Variants in HSD17B3 observed in about 807,000 individuals in gnomAD.
The protein encoded by HSD17B3 is 17-beta-hydroxysteroid dehydrogenase type 3.
Under a neutral mutation model 41.1 loss-of-function variants are expected in HSD17B3, and 29 were observed. That is an observed-to-expected ratio of 0.71 (90% confidence interval 0.53 to 0.96). The LOEUF (loss-of-function observed/expected upper bound fraction) is 0.96, where lower values mean the gene tolerates loss of function less well. Among genes scored for constraint, HSD17B3 ranks in the 40% least tolerant of loss-of-function variants. HSD17B3 has a pLI of 0.00. For synonymous variants in HSD17B3, 126 were observed against 145.6 expected (o/e 0.87, Z 0.97); for missense variants, 323 against 374.6 (o/e 0.86, Z 1.14).
At chr9:96,237,611 G>T (rs1229520621) in intron 10 of HSD17B3, among the ~76,000 whole-genome samples, 1 of 152,140 alleles carries the variant, frequency 6.6e-6, no homozygotes, top group African/African-American at 2.4e-5. Context: ...TAATAAAAGG[G>T]TCGCTTATTT....
intron 4 of HSD17B3, among the ~76,000 whole-genome samples, chr9:96,251,770 G>T (rs2130728369): frequency 6.6e-6 from 1 of 152,314 alleles, no homozygotes; most frequent in Admixed American, 6.5e-5. Flanking sequence ...TGACAAAACA[G>T]CACATACGTA....
At chr9:96,253,370 A>G (rs1292300389) in intron 3 of HSD17B3, among the ~76,000 whole-genome samples, 1 of 152,176 alleles carries the variant, frequency 6.6e-6, no homozygotes, top group Non-Finnish European at 1.5e-5. Context: ...AAGGTCTGAC[A>G]CTGCCTCTGC....
chr9:96,252,524 C>G (rs1825461577), intron 4 of HSD17B3, among the ~76,000 whole-genome samples: 1 of 137,100 alleles, frequency 7.3e-6, no homozygotes, highest in Non-Finnish European at 1.5e-5. Flanking sequence ...GCCTGGGTGA[C>G]AGAGCGAGAC....
rs115684579 is a variant in HSD17B3 at position 96,251,436 on chromosome 9, G to T, written c.435C>A (p.Asn145Lys). The change falls in exon 5 of 11, where the codon AAC (asparagine) becomes AAA (lysine). Residue 145 changes from asparagine to lysine, a missense_variant. Physicochemically the swap from Asn to Lys is moderately conservative, Grantham distance 94. Coordinates refer to ENST00000375263, the MANE Select transcript of HSD17B3 (RefSeq NM_000197.2). ...LPNLLPSHFL[N>K]APDEIQSLIH... ...AGTCTACCTGGATTTCATCCGGTGC[G>T]TTCAGGAAATGGCTTGGGAGAAGGT... 1.7e-5 allele frequency: 27 copies of T among 1,613,938 alleles called. No individual in the cohort carries two copies. The highest frequency in any genetic ancestry group is 2.3e-5 in the Non-Finnish European group (27 of 1,179,904).
intron 5 of HSD17B3, 78 bp downstream of exon 5, chr9:96,251,340 C>T: frequency 8.0e-7 from 1 of 1,246,226 alleles, no homozygotes; most frequent in Non-Finnish European, 1.2e-6. Flanking sequence ...CACGCCTTCC[C>T]AGGCCTGACT....
chr9:96,255,883 A>C (rs527723482), intron 2 of HSD17B3, among the ~76,000 whole-genome samples: 3 of 152,292 alleles, frequency 2.0e-5, no homozygotes, highest in Admixed American at 6.5e-5. Flanking sequence ...CCTGGACTCC[A>C]GAGGGCTGCG....
In HSD17B3 at chr9:96,235,365, C is replaced by T. The variant is rs537341188; in HGVS notation, c.*95G>A. 2.3e-4 allele frequency: 197 copies of T among 845,882 alleles called. 3 individuals are homozygous for T. In the South Asian group the frequency reaches 2.5e-3, roughly 11 times the overall value. The allele number at this position is 845,882 out of a possible 1,614,324, so 52.4% of individuals were successfully genotyped here. On this transcript the variant is annotated 3_prime_UTR_variant, in exon 11 of 11. Transcript: ENST00000375263. Reference sequence around the variant, plus strand: ...TGACCCCAGCCCCCTCCATCTTCAGCGGACTAGGTTGAAGTGCTGGTCTGC... The same window carrying T: ...TGACCCCAGCCCCCTCCATCTTCAGTGGACTAGGTTGAAGTGCTGGTCTGC...
chr9:96,254,932 A>C lies in HSD17B3; in HGVS notation c.213T>G (p.Arg71=). ...GGCTAATAAGGACAACATTGAGTCC[A>C]CGTTTTGCTAGCTGAGAGTGGGAGT... ...GKAYSFELAK[R]GLNVVLISRT... Residue 71 remains arginine (R), a synonymous_variant, in exon 3 of 11, where the codon CGT becomes CGG. Transcript: ENST00000375263. 1 of 1,613,852 alleles carries C rather than the reference A, an allele frequency of 6.2e-7. No homozygotes were observed. The highest frequency in any genetic ancestry group is 8.5e-7 in the Non-Finnish European group (1 of 1,179,902).
chr9:96,251,629 G>A, intron 4 of HSD17B3, 144 bp from the exon 5 acceptor site: 2 of 744,858 alleles, frequency 2.7e-6, no homozygotes, highest in South Asian at 3.0e-5. Context: ...GGAAGTTTTT[G>A]TCCAGTAATA....
intron 1 of HSD17B3, among the ~76,000 whole-genome samples, chr9:96,300,862 T>C (rs1249679140): frequency 6.6e-6 from 1 of 152,212 alleles, no homozygotes; most frequent in Non-Finnish European, 1.5e-5. Context: ...CATAGAGTTA[T>C]GCGTTGCCTT....
At position 96,255,367 on chromosome 9, in the gene HSD17B3, C is replaced by CTTTTTTTTTTTTTTTTTTTTTTTTT. The variant is rs869145717; in HGVS notation, c.202-449_202-425dup. Reference sequence around the variant, plus strand: ...AAGCAGTGTTTCTGCCCCAACATTTCTTTTTTTTTTTTTTTTTTTTTTTTT... The same window carrying CTTTTTTTTTTTTTTTTTTTTTTTTT: ...AAGCAGTGTTTCTGCCCCAACATTTCTTTTTTTTTTTTTTTTTTTTTTTTTTTTTTTTTTTTTTTTTTTTTTTTTT... On this transcript the variant is annotated intron_variant, in intron 2 of 10. Transcript: ENST00000375263. Among the ~76,000 whole-genome samples the CTTTTTTTTTTTTTTTTTTTTTTTTT allele has an allele frequency of 2.2e-4, 12 of 54,564 alleles. 4 individuals are homozygous for CTTTTTTTTTTTTTTTTTTTTTTTTT. Among genetic ancestry groups the CTTTTTTTTTTTTTTTTTTTTTTTTT allele is most frequent in the East Asian group, 1.5e-3 (2 of 1,374 alleles). 35.8% of individuals were successfully genotyped at this position (54,564 alleles called of 152,430 possible).
chr9:96,248,257 C>T (rs932324466), intron 6 of HSD17B3, among the ~76,000 whole-genome samples: 2 of 152,154 alleles, frequency 1.3e-5, no homozygotes, highest in East Asian at 1.9e-4. Flanking sequence ...GATGTGTGTA[C>T]CCAATAGCAA....
chr9:96,287,372 T>C (rs1161694264), intron 2 of HSD17B3, among the ~76,000 whole-genome samples: 2 of 152,178 alleles, frequency 1.3e-5, no homozygotes, highest in Admixed American at 1.3e-4. Context: ...CTCCAGCTGC[T>C]ACCCAACTGC....
At chr9:96,261,736 T>C (rs945786270) in intron 2 of HSD17B3, among the ~76,000 whole-genome samples, 1 of 152,162 alleles carries the variant, frequency 6.6e-6, no homozygotes, top group Non-Finnish European at 1.5e-5. Flanking sequence ...TGCCTCTTCT[T>C]TGTCCTCCCT....
intron 3 of HSD17B3, 88 bp from the exon 4 acceptor site, chr9:96,252,998 T>G: frequency 1.3e-5 from 11 of 825,368 alleles, no homozygotes; most frequent in Non-Finnish European, 2.4e-5. Context: ...CTGTATTACC[T>G]GAGCAGACAT....
chr9:96,251,338 C>G (rs1186404719), intron 5 of HSD17B3, 80 bp downstream of exon 5: 5 of 1,227,824 alleles, frequency 4.1e-6, no homozygotes, highest in Non-Finnish European at 4.8e-6. Flanking sequence ...ATCACGCCTT[C>G]CCAGGCCTGA....
At chr9:96,247,263 C>T (rs2130718547) in intron 6 of HSD17B3, 1 of 153,938 alleles carries the variant, frequency 6.5e-6, no homozygotes, top group South Asian at 2.0e-4. Context: ...ACCCCATGGA[C>T]TGAAATGTTC....
chr9:96,245,571 T>C, intron 7 of HSD17B3, 145 bp from the exon 8 acceptor site: 1 of 701,694 alleles, frequency 1.4e-6, no homozygotes, highest in Admixed American at 2.0e-5. Context: ...CTTCTAGGAA[T>C]GGTAAGTGAA....
At chr9:96,238,488 C>G (rs1449774021) in intron 10 of HSD17B3, among the ~76,000 whole-genome samples, 1 of 152,136 alleles carries the variant, frequency 6.6e-6, no homozygotes, top group Admixed American at 6.6e-5. Context: ...ATGGTGAAAC[C>G]CTGTCTCCAC....
Sources: allele counts gnomAD v4.1 joint callset (sites outside exome capture counted in the v4.1 genomes callset), GRCh38; gene constraint gnomAD v4.1.1; transcripts MANE v1.5; gene names NCBI Gene and HGNC (gene_info 2026-07-23, HGNC 2026-07-21).